The following WNT4 variants were observed in gnomAD, a reference collection of about 807,000 sequenced individuals.
The protein encoded by WNT4 is protein Wnt-4.
WNT4 carries 16 observed loss-of-function variants against 34.5 expected under a neutral mutation model. That is an observed-to-expected ratio of 0.46 (90% confidence interval 0.31 to 0.70). WNT4 has a LOEUF of 0.70. Among genes scored for constraint, WNT4 ranks in the 30% least tolerant of loss-of-function variants. The pLI is 0.04. For synonymous variants in WNT4, 200 were observed against 211.9 expected, an observed-to-expected ratio of 0.94 and a Z score of 0.49; for missense variants, 379 against 495.9, an observed-to-expected ratio of 0.76 and a Z score of 2.24.
In WNT4 at chr1:22,120,033, C is replaced by A. The variant is rs1311401669; in HGVS notation, c.*17G>T. On this transcript the variant is annotated 3_prime_UTR_variant, in exon 5 of 5. Coordinates refer to ENST00000290167, the MANE Select transcript of WNT4 (RefSeq NM_030761.5). ...CTGGGCCACTAGGTGGTTGCCGGCG[C>A]AGGGCTAGGCAGGCGGTCATCGGCA... is the stretch of plus-strand genomic sequence containing the variant. The A allele has an allele frequency of 1.2e-6, 2 of 1,604,096 alleles. No individual in the cohort carries two copies. The highest frequency in any genetic ancestry group is 1.7e-6 in the Non-Finnish European group (2 of 1,179,516).
Position 22,132,518 on chromosome 1 carries a change from G to A in WNT4, c.78-2667C>T, listed in dbSNP as rs59008453. Among the ~76,000 whole-genome samples, 875 of 152,306 alleles carry A rather than the reference G, an allele frequency of 5.7e-3. 7 individuals are homozygous for A. The highest frequency in any genetic ancestry group is 0.024 in the Middle Eastern group (7 of 294). ...TTGGTGGGCCTCCTTCTACTGGCAGGGTGGGGAGTGGCCGGGCCTCAGGGG... is the reference window on the plus strand; with the variant it reads ...TTGGTGGGCCTCCTTCTACTGGCAGAGTGGGGAGTGGCCGGGCCTCAGGGG... On this transcript the variant is annotated intron_variant, in intron 1 of 4. Coordinates refer to ENST00000290167, the MANE Select transcript of WNT4 (RefSeq NM_030761.5).
intron 2 of WNT4, chr1:22,127,129 GGTGTGACTGGCACCTGCCGA>G (rs1553199488): frequency 2.7e-6 from 1 of 376,500 alleles, no homozygotes; most frequent in Non-Finnish European, 5.5e-6. Context: ...TCCTTCTCCA[GGTGTGACTGGCACCTGCCGA>G]GTGTGACTGG....
At chr1:22,125,271 T>G (rs902050013) in intron 2 of WNT4, among the ~76,000 whole-genome samples, 2 of 152,090 alleles carry the variant, frequency 1.3e-5, no homozygotes, top group African/African-American at 4.8e-5. Flanking sequence ...GTCTTGTGTG[T>G]GTCTGGCCAC....
intron 2 of WNT4, among the ~76,000 whole-genome samples, chr1:22,123,095 G>GTTTCTGGTA (rs1179048205): frequency 2.0e-5 from 3 of 152,248 alleles, no homozygotes; most frequent in African/African-American, 7.2e-5. Context: ...GACGACTTCA[G>GTTTCTGGTA]TTTCTGGTAT....
Position 22,134,912 on chromosome 1 carries a change from A to G in WNT4, c.78-5061T>C, listed in dbSNP as rs1335051518. Among the ~76,000 whole-genome samples, 1 of 151,582 alleles carries G rather than the reference A, an allele frequency of 6.6e-6. No homozygotes were observed. The highest frequency in any genetic ancestry group is 2.4e-5 in the African/African-American group (1 of 41,174). On this transcript the variant is annotated intron_variant, in intron 1 of 4. Transcript: ENST00000290167. This position sits in a 1 kb window ranked among gnomAD's most constrained non-coding sequence, Gnocchi z 4.1. ...GGGTTCCCAGTCTTTTTTTCAGCTG[A>G]TCATGCCTGAGAGGTGGGACACGCT...
chr1:22,136,316 C>T (rs1312700954), intron 1 of WNT4, among the ~76,000 whole-genome samples: 2 of 152,194 alleles, frequency 1.3e-5, no homozygotes, highest in East Asian at 3.9e-4. Flanking sequence ...TTGCTAGACC[C>T]ATCCGACCTG....
chr1:22,126,458 G>C (rs1333509884), intron 2 of WNT4, among the ~76,000 whole-genome samples: 1 of 152,190 alleles, frequency 6.6e-6, no homozygotes, highest in African/African-American at 2.4e-5. Flanking sequence ...CCAGGGCTGG[G>C]GATGTTACCA....
In WNT4 at chr1:22,119,796, T is replaced by TGCGGGCAGCCAGCGGC. The variant is rs1645878907; in HGVS notation, c.*238_*253dup. ...AACTGAGTGGTCAGTGGCAGCCACATGCGGGCAGCCAGCGGCACGAGCAAG... is the reference window on the plus strand; with the variant it reads ...AACTGAGTGGTCAGTGGCAGCCACATGCGGGCAGCCAGCGGCGCGGGCAGCCAGCGGCACGAGCAAG... On this transcript the variant is annotated 3_prime_UTR_variant, in exon 5 of 5. Transcript: ENST00000290167. 1 of 575,324 alleles carries TGCGGGCAGCCAGCGGC rather than the reference T, an allele frequency of 1.7e-6. No homozygotes were observed. The highest frequency in any genetic ancestry group is 1.9e-5 in the African/African-American group (1 of 53,418). The allele number at this position is 575,324 out of a possible 1,614,324, so 35.6% of individuals were successfully genotyped here.
intron 1 of WNT4, among the ~76,000 whole-genome samples, chr1:22,131,987 G>C (rs1023689291): frequency 1.3e-5 from 2 of 152,180 alleles, no homozygotes; most frequent in Non-Finnish European, 2.9e-5. Flanking sequence ...GGCCCACCCG[G>C]CTTCTCAGCC....
chr1:22,126,536 C>T (rs1004470105), intron 2 of WNT4, among the ~76,000 whole-genome samples: 2 of 152,196 alleles, frequency 1.3e-5, no homozygotes, highest in African/African-American at 2.4e-5. Context: ...CTCAGTGTCA[C>T]GAGGATGACC....
At position 22,137,602 on chromosome 1, in the gene WNT4, G is replaced by T. The variant is rs1454410863; in HGVS notation, c.77+5244C>A. On this transcript the variant is annotated intron_variant, in intron 1 of 4. Coordinates refer to ENST00000290167, the MANE Select transcript of WNT4 (RefSeq NM_030761.5). This position sits in a 1 kb window ranked among gnomAD's most constrained non-coding sequence, Gnocchi z 5.3. ...TTGGGCGAGTTTCAACAGGTTTGGGGAGCACTGTCTTGTCAGATGCTTGCT... is the reference window on the plus strand; with the variant it reads ...TTGGGCGAGTTTCAACAGGTTTGGGTAGCACTGTCTTGTCAGATGCTTGCT... Among the ~76,000 whole-genome samples the T allele has an allele frequency of 2.0e-5, 3 of 152,252 alleles. No individual in the cohort carries two copies. The highest frequency in any genetic ancestry group is 7.2e-5 in the African/African-American group (3 of 41,468).
chr1:22,123,371 C>T (rs1285725407), intron 2 of WNT4, among the ~76,000 whole-genome samples: 1 of 151,080 alleles, frequency 6.6e-6, no homozygotes, highest in Non-Finnish European at 1.5e-5. Flanking sequence ...TGCCTCATTC[C>T]CCAAACCAAC....
In WNT4 at chr1:22,120,242, C is replaced by T. The variant is rs372340831; in HGVS notation, c.864G>A (p.Val288=). The change falls in exon 5 of 5, where the codon GTG becomes GTA. Residue 288 remains valine (V), a synonymous_variant. Coordinates refer to ENST00000290167, the MANE Select transcript of WNT4 (RefSeq NM_030761.5). ...DFCEQDMRSG[V]LGTRGRTCNK... ...TGCATGTGCGGCCCCTCGTGCCCAG[C>T]ACGCCGCTGCGCATGTCCTGCTCAC... The T allele has an allele frequency of 3.4e-5, 55 of 1,614,030 alleles. No individual in the cohort carries two copies. Among genetic ancestry groups the T allele is most frequent in the Non-Finnish European group, 4.2e-5 (49 of 1,180,028 alleles).
At position 22,121,191 on chromosome 1, in the gene WNT4, G is replaced by C. The variant is rs201027472; in HGVS notation, c.588+20C>G. ...ATGCTATCCCTACCCCGCTCTTGGT[G>C]GGGGGTAGTGCCACACTACCTTCCT... On this transcript the variant is annotated intron_variant, in intron 4 of 4. Coordinates refer to ENST00000290167, the MANE Select transcript of WNT4 (RefSeq NM_030761.5). 1 of 1,610,816 alleles carries C rather than the reference G, an allele frequency of 6.2e-7. No individual in the cohort carries two copies. The highest frequency in any genetic ancestry group is 2.2e-5 in the East Asian group (1 of 44,808).
rs74337757 is a variant in WNT4 at position 22,137,467 on chromosome 1, C to A, written c.77+5379G>T. On this transcript the variant is annotated intron_variant, in intron 1 of 4. Transcript: ENST00000290167. This position sits in a 1 kb window ranked among gnomAD's most constrained non-coding sequence, Gnocchi z 5.3. The stretch of plus-strand genomic sequence containing the variant: ...GTCACCCCACCCATGGCTCCCTGGC[C>A]AATCTGCGCCCCACTGGCTAAGCCC... 3.4e-3 allele frequency among the ~76,000 whole-genome samples: 522 copies of A among 152,330 alleles called. 2 individuals are homozygous for A. The highest frequency in any genetic ancestry group is 6.0e-3 in the Non-Finnish European group (405 of 68,026).
Position 22,140,053 on chromosome 1 carries a change from GAGACAAC to G in WNT4, c.77+2786_77+2792del. Reference sequence around the variant, plus strand: ...TCCCCACCAGGCCACCTGCCCTTCTGAGACAACAGATAGTCCTGGCTCTCGCCACTGG... The same window carrying G: ...TCCCCACCAGGCCACCTGCCCTTCTGAGATAGTCCTGGCTCTCGCCACTGG... On this transcript the variant is annotated intron_variant, in intron 1 of 4. Transcript: ENST00000290167. This position sits in a 1 kb window ranked among gnomAD's most constrained non-coding sequence, Gnocchi z 5.9. 6.2e-6 allele frequency: 3 copies of G among 480,190 alleles called. No homozygotes were observed. Among genetic ancestry groups the G allele is most frequent in the Non-Finnish European group, 8.1e-6 (3 of 368,102 alleles). The allele number at this position is 480,190 out of a possible 1,614,324, so 29.7% of individuals were successfully genotyped here.
intron 1 of WNT4, among the ~76,000 whole-genome samples, chr1:22,141,011 TG>T (rs1331576808): frequency 1.5e-4 from 23 of 152,236 alleles, no homozygotes; most frequent in African/African-American, 5.5e-4. Flanking sequence ...TGAAGGTGAG[TG>T]GTGATGCCAC....
Position 22,134,135 on chromosome 1 carries a change from G to T in WNT4, c.78-4284C>A, listed in dbSNP as rs569383327. Among the ~76,000 whole-genome samples the T allele has an allele frequency of 6.6e-6, 1 of 152,222 alleles. No homozygotes were observed. The highest frequency in any genetic ancestry group is 6.5e-5 in the Admixed American group (1 of 15,294). Reference sequence around the variant, plus strand: ...CCCTGCGGGTGTCCAGGTGGGGGCTGGGACGCCAGCGCAGGCCTCTCTGCC... The same window carrying T: ...CCCTGCGGGTGTCCAGGTGGGGGCTTGGACGCCAGCGCAGGCCTCTCTGCC... On this transcript the variant is annotated intron_variant, in intron 1 of 4. Transcript: ENST00000290167. This position sits in a 1 kb window ranked among gnomAD's most constrained non-coding sequence, Gnocchi z 4.1.
intron 1 of WNT4, among the ~76,000 whole-genome samples, chr1:22,131,771 G>C (rs1184054194): frequency 5.3e-5 from 8 of 152,196 alleles, no homozygotes; most frequent in Non-Finnish European, 7.4e-5. Context: ...GGCCGAAGAA[G>C]GCCAACCTCC....
Sources: gnomAD v4.1 joint callset for allele counts (sites outside exome capture counted in the v4.1 genomes callset) on GRCh38, gnomAD v4.1.1 for gene constraint, Gnocchi (gnomAD v3.1) non-coding constraint, MANE v1.5 for transcripts, NCBI Gene and HGNC (gene_info 2026-07-23, HGNC 2026-07-21) for gene names.